SETD2: variants seen among roughly 807,000 people sequenced by gnomAD.
SETD2 encodes the protein SET domain containing 2, histone lysine methyltransferase.
Under a neutral mutation model 242.1 loss-of-function variants are expected in SETD2, and 31 were observed. The observed-to-expected ratio is 0.13, with a 90% CI of 0.10 to 0.17. SETD2 has a LOEUF of 0.17. SETD2 is among the 10% of genes least tolerant of loss of function. SETD2 has a pLI of 1.00. For missense variants in SETD2, 2,481 were observed against 3,046.3 expected, an observed-to-expected ratio of 0.81 and a Z score of 4.37; for synonymous variants, 1,006 against 1,066.5, an observed-to-expected ratio of 0.94 and a Z score of 1.11.
At chr3:47,124,875 C>T (rs1187365947) in intron 2 of SETD2, among the ~76,000 whole-genome samples, 1 of 152,032 alleles carries the variant, frequency 6.6e-6, no homozygotes, top group Non-Finnish European at 1.5e-5. Context: ...TTTTTAAAAA[C>T]CTGACATATG....
At chr3:47,048,472 G>C (rs575247292) in intron 15 of SETD2, among the ~76,000 whole-genome samples, 1 of 152,180 alleles carries the variant, frequency 6.6e-6, no homozygotes, top group Non-Finnish European at 1.5e-5. Flanking sequence ...CTTTGAGTAA[G>C]TGAGTGGTGA....
intron 15 of SETD2, among the ~76,000 whole-genome samples, chr3:47,055,399 T>G (rs2040012444): frequency 6.6e-6 from 1 of 152,180 alleles, no homozygotes; most frequent in Non-Finnish European, 1.5e-5. Context: ...GAACATTTTT[T>G]TTTCAAAGCT....
rs778611476 is a variant in SETD2, at chr3:47,124,419, C to A, written c.217G>T (p.Val73Leu). 7 of 1,552,006 alleles carry A rather than the reference C, an allele frequency of 4.5e-6. No individual in the cohort carries two copies. Among genetic ancestry groups the A allele is most frequent in the Non-Finnish European group, 6.1e-6 (7 of 1,147,064 alleles). Residue 73 changes from valine (V) to leucine (L), a missense_variant, in exon 3 of 21, where the codon GTG becomes TTG. This residue lies in a region of SETD2 where 334 missense variants were observed against 374.5 expected (regional missense o/e 0.89). Transcript: ENST00000409792. ...TTTGTAAGGCTGAAGCTGAATGACA[C>A]CTTCTGTCGTCCCTGTTCTTCCAAA... ...VNLEEQGRQK[V>L]SFSFSLTKKT...
chr3:47,163,983 AG>A lies in SETD2; in HGVS notation c.-60del, dbSNP rs1697590637. 8.0e-7 allele frequency: 1 copy of A among 1,243,832 alleles called. No individual in the cohort carries two copies. Among genetic ancestry groups the A allele is most frequent in the Non-Finnish European group, 1.0e-6 (1 of 986,072 alleles). 77.0% of individuals were successfully genotyped at this position (1,243,832 alleles called of 1,614,324 possible). A position where few individuals can be genotyped will look rare whatever the true frequency, so the allele number is the denominator to read the frequency against. ...TCCCCGCAGCAGGGCGACGCGGGGGAGGGGAGGGGAGGAGGCCGCAGGTCCG... is the reference window on the plus strand; with the variant it reads ...TCCCCGCAGCAGGGCGACGCGGGGGAGGGAGGGGAGGAGGCCGCAGGTCCG... On this transcript the variant is annotated 5_prime_UTR_variant, in exon 1 of 21. Transcript: ENST00000409792.
intron 16 of SETD2, among the ~76,000 whole-genome samples, chr3:47,045,318 GACC>G (rs1320550263): frequency 6.6e-6 from 1 of 151,986 alleles, no homozygotes; most frequent in Non-Finnish European, 1.5e-5. Flanking sequence ...AGGAGATTGA[GACC>G]ATCGTGGCTA....
chr3:47,129,767 C>A (rs2106754462), intron 1 of SETD2, among the ~76,000 whole-genome samples: 2 of 152,220 alleles, frequency 1.3e-5, no homozygotes, highest in East Asian at 3.9e-4. Context: ...TGCCTGTAAT[C>A]CCAGCTACTT....
chr3:47,038,194 A>G (rs1419522739), intron 17 of SETD2, among the ~76,000 whole-genome samples: 1 of 152,194 alleles, frequency 6.6e-6, no homozygotes, highest in Non-Finnish European at 1.5e-5. Flanking sequence ...AGCAAAATAA[A>G]TCATGTAACA....
At chr3:47,084,426 CTTT>C (rs5848822) in intron 11 of SETD2, 44 bp from the exon 12 acceptor site, 3,447 of 968,618 alleles carry the variant, frequency 3.6e-3, no homozygotes, top group Middle Eastern at 4.4e-3. Flanking sequence ...GTACAGTTGA[CTTT>C]TTTTTTTTTT....
At chr3:47,107,198 G>A (rs2042461314) in intron 5 of SETD2, among the ~76,000 whole-genome samples, 2 of 151,974 alleles carry the variant, frequency 1.3e-5, no homozygotes. Context: ...ACATAAAATG[G>A]CCTGCCTGAA....
chr3:47,125,300 C>A (rs571261040), intron 2 of SETD2, among the ~76,000 whole-genome samples: 7 of 150,452 alleles, frequency 4.7e-5, no homozygotes, highest in Admixed American at 1.3e-4. Context: ...ACCTGGGCAA[C>A]AGAGCGAGCC....
chr3:47,100,467 G>C (rs1244660835), intron 8 of SETD2, among the ~76,000 whole-genome samples: 1 of 151,470 alleles, frequency 6.6e-6, no homozygotes, highest in Non-Finnish European at 1.5e-5. Flanking sequence ...CACCATGTTG[G>C]CCAGGCTCAA....
chr3:47,154,214 T>G (rs770868963), intron 1 of SETD2, among the ~76,000 whole-genome samples: 34 of 152,012 alleles, frequency 2.2e-4, no homozygotes, highest in Non-Finnish European at 4.3e-4. Flanking sequence ...ATGGAGACCA[T>G]CCTGGCCAAC....
intron 1 of SETD2, among the ~76,000 whole-genome samples, chr3:47,136,142 G>A (rs751297693): frequency 8.6e-5 from 13 of 152,042 alleles, no homozygotes; most frequent in Admixed American, 3.3e-4. Context: ...CCCCCAAGTC[G>A]TTCCTATGAC....
chr3:47,039,545 A>G (rs2039177788), intron 17 of SETD2, among the ~76,000 whole-genome samples: 1 of 151,528 alleles, frequency 6.6e-6, no homozygotes, highest in African/African-American at 2.4e-5. Context: ...GATTGATAGA[A>G]TATTTAAAAT....
intron 1 of SETD2, 111 bp from the exon 2 acceptor site, chr3:47,126,774 T>A: frequency 1.6e-6 from 1 of 644,784 alleles, no homozygotes; most frequent in Non-Finnish European, 2.7e-6. Flanking sequence ...ACTTACTACC[T>A]ACAGGTATAT....
Position 47,123,958 on chromosome 3 carries a change from T to C in SETD2, c.678A>G (p.Pro226=), listed in dbSNP as rs758679306. 5.8e-6 allele frequency: 9 copies of C among 1,551,078 alleles called. No homozygotes were observed. In the African/African-American group the frequency reaches 6.8e-5, roughly 12 times the overall value. The part of the protein sequence containing the change: ...HTPITVLMAA[P]VPLPVDVAVR... The stretch of plus-strand genomic sequence containing the variant: ...CTGCTACATCTACTGGTAAGGGTAC[T>C]GGTGCTGCCATTAGAACTGTTATTG... The change falls in exon 3 of 21, where the codon CCA becomes CCG. Residue 226 remains proline (P), a synonymous_variant. Transcript: ENST00000409792.
At chr3:47,137,433 C>T (rs888712722) in intron 1 of SETD2, among the ~76,000 whole-genome samples, 3 of 151,906 alleles carry the variant, frequency 2.0e-5, no homozygotes, top group Admixed American at 6.6e-5. Flanking sequence ...CCTTGTGATC[C>T]ACCCACCTCA....
At position 47,163,944 on chromosome 3, in the gene SETD2, C is replaced by T; in HGVS notation, c.-20G>A. On this transcript the variant is annotated 5_prime_UTR_variant, in exon 1 of 21. Coordinates refer to ENST00000409792, the MANE Select transcript of SETD2 (RefSeq NM_014159.7). Reference sequence around the variant, plus strand: ...CTTCATCGGGAGCGGCTGGAGACGGCGACGCGAGCCCCCTCCCCGCAGCAG... The same window carrying T: ...CTTCATCGGGAGCGGCTGGAGACGGTGACGCGAGCCCCCTCCCCGCAGCAG... 1 of 1,279,026 alleles carries T rather than the reference C, an allele frequency of 7.8e-7. No individual in the cohort carries two copies. Among genetic ancestry groups the T allele is most frequent in the Non-Finnish European group, 9.9e-7 (1 of 1,007,280 alleles). 79.2% of individuals were successfully genotyped at this position (1,279,026 alleles called of 1,614,324 possible).
At chr3:47,117,778 T>G (rs77608526) in intron 3 of SETD2, among the ~76,000 whole-genome samples, 2 of 152,196 alleles carry the variant, frequency 1.3e-5, no homozygotes, top group Non-Finnish European at 2.9e-5. Flanking sequence ...CTGCTAAAAT[T>G]TGATTGCGTT....
Sources: allele counts gnomAD v4.1 joint callset (sites outside exome capture counted in the v4.1 genomes callset), GRCh38; gene constraint gnomAD v4.1.1; regional missense constraint gnomAD v4.1.1; transcripts MANE v1.5; gene names NCBI Gene and HGNC (gene_info 2026-07-23, HGNC 2026-07-21).